NEXMIF: variants seen among roughly 807,000 people sequenced by gnomAD.
NEXMIF encodes the protein XLMR protein related to neurite extension.
In NEXMIF, 8 loss-of-function variants were observed where a neutral mutation model predicts 62.1. The ratio of observed to expected loss-of-function variants is 0.13; its 90% CI spans 0.08 to 0.23. NEXMIF has a LOEUF of 0.23. Among genes scored for constraint, NEXMIF ranks in the 10% least tolerant of loss-of-function variants. The pLI is 1.00. For missense variants in NEXMIF, 976 were observed against 1,113.3 expected (o/e 0.88, Z 1.75); for synonymous variants, 404 against 416.6 (o/e 0.97, Z 0.37).
chrX:74,810,721 G>A (rs1602236376), intron 1 of NEXMIF, among the ~76,000 whole-genome samples: 1 of 110,533 alleles, frequency 9.0e-6, no homozygotes, highest in African/African-American at 3.3e-5. Context: ...TTTCCTGTAC[G>A]GGCCTCAGGT....
rs865880593 is a variant in NEXMIF at position 74,825,387 on chromosome X, C to T, written c.-47-79690G>A. ...TCTCCTGATCCTCTCCCTCCTCCCA[C>T]CCCCCACCATCTGGAAGTCCTCAGT... On this transcript the variant is annotated intron_variant, in intron 1 of 3. Transcript: ENST00000055682. Among the ~76,000 whole-genome samples the T allele has an allele frequency of 4.5e-5, 5 of 110,862 alleles. No individual in the cohort carries two copies. In the Admixed American group the frequency reaches 4.8e-4, roughly 11 times the overall value.
At position 74,741,089 on chromosome X, in the gene NEXMIF, C is replaced by A; in HGVS notation, c.3468G>T (p.Leu1156=). The change falls in exon 3 of 4, where the codon CTG becomes CTT. Residue 1156 remains leucine, a synonymous_variant. Transcript: ENST00000055682. ...SVSLLQKNPC[L]STFNDPSGQI... ...GACCAGATGGATCATTAAATGTTGA[C>A]AGGCAAGGGTTTTTTTGGAGCAGGC... The A allele has an allele frequency of 8.3e-7, 1 of 1,211,550 alleles. No homozygotes were observed. The highest frequency in any genetic ancestry group is 1.1e-6 in the Non-Finnish European group (1 of 895,394).
rs982024567 is a variant in NEXMIF, at chrX:74,883,130, C to G, written c.-48+41753G>C. On this transcript the variant is annotated intron_variant, in intron 1 of 3. Transcript: ENST00000055682. ...CTAACAAAAAGAAAGGACATACACA[C>G]CAAAAACCCATCTGTACGTCACCAT... is the stretch of plus-strand genomic sequence containing the variant. Among the ~76,000 whole-genome samples the G allele has an allele frequency of 2.2e-4, 24 of 111,502 alleles. No homozygotes were observed. The Admixed American group carries it at 2.3e-3, about 11-fold the overall frequency.
intron 1 of NEXMIF, among the ~76,000 whole-genome samples, chrX:74,796,229 A>AT (rs1406436781): frequency 2.5e-4 from 15 of 60,624 alleles, no homozygotes; most frequent in Non-Finnish European, 4.0e-4. Context: ...ATACATATAT[A>AT]ATATATATAT....
At chrX:74,879,951 T>C (rs1465091198) in intron 1 of NEXMIF, among the ~76,000 whole-genome samples, 2 of 111,913 alleles carry the variant, frequency 1.8e-5, no homozygotes, top group Non-Finnish European at 3.8e-5. Flanking sequence ...GAAATGATCA[T>C]ACATTGATAC....
chrX:74,813,472 C>T lies in NEXMIF; in HGVS notation c.-47-67775G>A, dbSNP rs192925530. Among the ~76,000 whole-genome samples, 56 of 112,154 alleles carry T rather than the reference C, an allele frequency of 5.0e-4. No homozygotes were observed. In the East Asian group the frequency reaches 6.4e-3, roughly 13 times the overall value. ...CCAAACAGAGCCCAGTGCAATTGTA[C>T]GCATTTTAAAAATGTGTTTTGTAAA... is the stretch of plus-strand genomic sequence containing the variant. On this transcript the variant is annotated intron_variant, in intron 1 of 3. Transcript: ENST00000055682.
At chrX:74,821,054 A>T (rs931223646) in intron 1 of NEXMIF, among the ~76,000 whole-genome samples, 2 of 110,347 alleles carry the variant, frequency 1.8e-5, no homozygotes, top group Admixed American at 9.7e-5. Flanking sequence ...GAAATAAGTA[A>T]TTTTTTTTGC....
chrX:74,796,231 T>TATATATATATATATATA (rs2080309933), intron 1 of NEXMIF, among the ~76,000 whole-genome samples: 5 of 53,302 alleles, frequency 9.4e-5, no homozygotes, highest in Non-Finnish European at 1.6e-4. Flanking sequence ...ACATATATAA[T>TATATATATATATATATA]ATATATATAT....
At position 74,789,780 on chromosome X, in the gene NEXMIF, G is replaced by A. The variant is rs1413226998; in HGVS notation, c.-47-44083C>T. ...TGGCTGCATAAATGTCTTCTTTTGA[G>A]AAGTGTCTGTTCATGTCCTTCGCCC... On this transcript the variant is annotated intron_variant, in intron 1 of 3. Coordinates refer to ENST00000055682, the MANE Select transcript of NEXMIF (RefSeq NM_001008537.3). 2.8e-5 allele frequency among the ~76,000 whole-genome samples: 3 copies of A among 108,755 alleles called. No individual in the cohort carries two copies. In the South Asian group the frequency reaches 1.2e-3, roughly 44 times the overall value. The allele number at this position is 108,755 out of a possible 115,157, so 94.4% of individuals were successfully genotyped here. A position where few individuals can be genotyped will look rare whatever the true frequency, so the allele number is the denominator to read the frequency against.
At chrX:74,827,933 G>A (rs943733005) in intron 1 of NEXMIF, among the ~76,000 whole-genome samples, 2 of 111,953 alleles carry the variant, frequency 1.8e-5, no homozygotes, top group East Asian at 5.6e-4. Flanking sequence ...GAGAGCACAG[G>A]AGCCAGATGA....
At chrX:74,799,547 A>G (rs942203790) in intron 1 of NEXMIF, among the ~76,000 whole-genome samples, 1 of 112,603 alleles carries the variant, frequency 8.9e-6, no homozygotes, top group African/African-American at 3.2e-5. Flanking sequence ...ATGCATGCAC[A>G]TATACACAAA....
intron 1 of NEXMIF, among the ~76,000 whole-genome samples, chrX:74,793,116 G>T (rs1432217897): frequency 1.8e-5 from 2 of 111,240 alleles, no homozygotes; most frequent in Admixed American, 1.9e-4. Context: ...GCTGGTTCCG[G>T]TTGTTCCTTT....
chrX:74,922,982 C>A (rs749949790), intron 1 of NEXMIF, among the ~76,000 whole-genome samples: 2 of 111,594 alleles, frequency 1.8e-5, no homozygotes, highest in Admixed American at 9.5e-5. Flanking sequence ...CACCCTACCC[C>A]ATGTGCACCA....
At chrX:74,769,131 C>T (rs1451605157) in intron 1 of NEXMIF, among the ~76,000 whole-genome samples, 1 of 109,729 alleles carries the variant, frequency 9.1e-6, no homozygotes, top group Non-Finnish European at 1.9e-5. Flanking sequence ...GATAGTGTCT[C>T]CAAAGCAATT....
chrX:74,844,982 C>T (rs1216423487), intron 1 of NEXMIF, among the ~76,000 whole-genome samples: 1 of 112,283 alleles, frequency 8.9e-6, no homozygotes, highest in Non-Finnish European at 1.9e-5. Context: ...ACATATAGAG[C>T]AATGGGTTTA....
chrX:74,839,104 T>A (rs1322108063), intron 1 of NEXMIF, among the ~76,000 whole-genome samples: 1 of 111,970 alleles, frequency 8.9e-6, no homozygotes, highest in Non-Finnish European at 1.9e-5. Flanking sequence ...TACAAATCAC[T>A]CTTTCCTCTT....
At chrX:74,907,744 T>C (rs991394915) in intron 1 of NEXMIF, among the ~76,000 whole-genome samples, 9 of 111,769 alleles carry the variant, frequency 8.1e-5, no homozygotes, top group Admixed American at 4.8e-4. Context: ...GGTATTATTA[T>C]TGGCAGCCTA....
At chrX:74,884,583 CAAG>C (rs2080682499) in intron 1 of NEXMIF, among the ~76,000 whole-genome samples, 1 of 112,037 alleles carries the variant, frequency 8.9e-6, no homozygotes, top group Non-Finnish European at 1.9e-5. Context: ...ATCAATTCAA[CAAG>C]AAGAACTAAC....
intron 1 of NEXMIF, among the ~76,000 whole-genome samples, chrX:74,805,218 C>T (rs949203884): frequency 8.9e-6 from 1 of 111,757 alleles, no homozygotes; most frequent in African/African-American, 3.3e-5. Context: ...GAGTGCTCGC[C>T]GGATTTTTGG....
Sources: allele counts gnomAD v4.1 joint callset (sites outside exome capture counted in the v4.1 genomes callset), GRCh38; gene constraint gnomAD v4.1.1; transcripts MANE v1.5; gene names NCBI Gene and HGNC (gene_info 2026-07-23, HGNC 2026-07-21).